Variants in MATN2 observed in about 807,000 individuals in gnomAD.
MATN2 encodes matrilin-2.
Under a neutral mutation model 103.2 loss-of-function variants are expected in MATN2, and 69 were observed. The observed-to-expected ratio is 0.67, with a 90% CI of 0.55 to 0.82. The LOEUF is 0.82. Among genes scored for constraint, MATN2 ranks in the 40% least tolerant of loss-of-function variants. The probability of loss-of-function intolerance (pLI) is 0.00; values close to 1 mark genes in which losing one functional copy is unlikely to be tolerated. For synonymous variants in MATN2, 429 were observed against 450.2 expected, an observed-to-expected ratio of 0.95 and a Z score of 0.60; for missense variants, 1,023 against 1,211.5, an observed-to-expected ratio of 0.84 and a Z score of 2.31.
rs938126506 is a variant in MATN2 at position 98,004,016 on chromosome 8, C to T, written c.1327+233C>T. On this transcript the variant is annotated intron_variant, in intron 8 of 18. Coordinates refer to ENST00000254898, the MANE Select transcript of MATN2 (RefSeq NM_002380.5). ...AGAATTAATAGGAATAGGCTGGGCG[C>T]GGTGGCTCACGCCTGTAATCCCAGC... is the stretch of plus-strand genomic sequence containing the variant. The T allele has an allele frequency of 7.3e-5, 32 of 438,340 alleles. 1 individual carries two copies. Among genetic ancestry groups the T allele is most frequent in the South Asian group, 4.9e-4 (24 of 48,700 alleles). The allele number at this position is 438,340 out of a possible 1,614,324, so 27.2% of individuals were successfully genotyped here.
intron 5 of MATN2, among the ~76,000 whole-genome samples, chr8:97,977,120 C>CT (rs1811861562): frequency 2.0e-5 from 3 of 150,946 alleles, no homozygotes; most frequent in Admixed American, 2.0e-4. Flanking sequence ...CCTGTAGTCC[C>CT]AGCTACTTGG....
intron 7 of MATN2, among the ~76,000 whole-genome samples, chr8:97,996,115 T>C (rs1812577604): frequency 6.6e-6 from 1 of 152,146 alleles, no homozygotes; most frequent in African/African-American, 2.4e-5. Context: ...TTAGATCTGG[T>C]TCAGCTCAGA....
At chr8:97,988,189 T>TAAACACACAC (rs71570279) in intron 6 of MATN2, among the ~76,000 whole-genome samples, 1 of 54,962 alleles carries the variant, frequency 1.8e-5, no homozygotes, top group Non-Finnish European at 3.7e-5. Flanking sequence ...TATATATATA[T>TAAACACACAC]ACACACACAC....
chr8:98,003,536 G>A (rs994928047), intron 7 of MATN2, 125 bp from the exon 8 acceptor site: 16 of 1,006,012 alleles, frequency 1.6e-5, no homozygotes, highest in South Asian at 1.0e-4. Flanking sequence ...GATCCGTCCC[G>A]GCTTGCCTCA....
intron 2 of MATN2, among the ~76,000 whole-genome samples, chr8:97,913,966 C>A (rs1411064144): frequency 6.6e-6 from 1 of 152,120 alleles, no homozygotes; most frequent in African/African-American, 2.4e-5. Flanking sequence ...GAGTTGAACA[C>A]CAAATAGAGA....
chr8:97,994,732 C>A, intron 7 of MATN2, 130 bp downstream of exon 7: 2 of 1,011,708 alleles, frequency 2.0e-6, no homozygotes, highest in Non-Finnish European at 1.4e-6. Flanking sequence ...TTATTCTCCC[C>A]TTTATTTTAC....
chr8:98,005,142 C>A lies in MATN2; in HGVS notation c.1327+1359C>A, dbSNP rs958130515. Among the ~76,000 whole-genome samples, 1 of 152,240 alleles carries A rather than the reference C, an allele frequency of 6.6e-6. No individual in the cohort carries two copies. Among genetic ancestry groups the A allele is most frequent in the African/African-American group, 2.4e-5 (1 of 41,468 alleles). On this transcript the variant is annotated intron_variant, in intron 8 of 18. Coordinates refer to ENST00000254898, the MANE Select transcript of MATN2 (RefSeq NM_002380.5). The surrounding 1 kb of genome is among the most constrained non-coding windows in gnomAD (Gnocchi z 4.6). Reference sequence around the variant, plus strand: ...CCCAGATGAAATAAGAGGTCCAGGGCAGTCCTCAGGAAAGCGTGGCTCCTC... The same window carrying A: ...CCCAGATGAAATAAGAGGTCCAGGGAAGTCCTCAGGAAAGCGTGGCTCCTC...
intron 2 of MATN2, among the ~76,000 whole-genome samples, chr8:97,893,108 G>A (rs911110861): frequency 2.0e-5 from 3 of 152,160 alleles, no homozygotes; most frequent in East Asian, 1.9e-4. Flanking sequence ...AGTGGGTGTC[G>A]CTTTGTCTTT....
At chr8:97,951,716 CAGG>C (rs1810959838) in intron 4 of MATN2, among the ~76,000 whole-genome samples, 1 of 148,826 alleles carries the variant, frequency 6.7e-6, no homozygotes, top group African/African-American at 2.5e-5. Context: ...AAGCACTCTA[CAGG>C]AGTAGGACAT....
chr8:97,901,030 G>A (rs2130029339), intron 2 of MATN2, among the ~76,000 whole-genome samples: 1 of 152,272 alleles, frequency 6.6e-6, no homozygotes, highest in South Asian at 2.1e-4. Context: ...TTTGGGACTT[G>A]GTGGGGTCAC....
intron 13 of MATN2, chr8:98,024,933 C>T (rs1813734472): frequency 1.3e-5 from 2 of 152,304 alleles, no homozygotes; most frequent in South Asian, 4.1e-4. Context: ...TTCCACTCTA[C>T]TTTGTTTTGT....
chr8:97,882,399 T>G (rs1362159652), intron 1 of MATN2, among the ~76,000 whole-genome samples: 1 of 152,124 alleles, frequency 6.6e-6, no homozygotes, highest in African/African-American at 2.4e-5. Context: ...CTTTCTTTTT[T>G]TCTTTTTTTT....
intron 2 of MATN2, among the ~76,000 whole-genome samples, chr8:97,914,603 C>G (rs1182757398): frequency 6.6e-6 from 1 of 151,768 alleles, no homozygotes; most frequent in Non-Finnish European, 1.5e-5. Flanking sequence ...ATCCTCTTGC[C>G]TCAGCCTCCC....
chr8:97,894,978 T>C (rs1325274972), intron 2 of MATN2, among the ~76,000 whole-genome samples: 1 of 151,826 alleles, frequency 6.6e-6, no homozygotes, highest in Non-Finnish European at 1.5e-5. Flanking sequence ...GTTCAAGCAA[T>C]TCTTCTGCCT....
chr8:97,996,364 C>T (rs1279729345), intron 7 of MATN2, among the ~76,000 whole-genome samples: 1 of 152,072 alleles, frequency 6.6e-6, no homozygotes, highest in Non-Finnish European at 1.5e-5. Flanking sequence ...AAAGGAAGAG[C>T]GAGTAGAGAG....
intron 2 of MATN2, among the ~76,000 whole-genome samples, chr8:97,908,496 G>A (rs1264941172): frequency 6.6e-6 from 1 of 152,146 alleles, no homozygotes; most frequent in Admixed American, 6.5e-5. Flanking sequence ...AACATCTGGT[G>A]GAGTAGCTTC....
intron 6 of MATN2, among the ~76,000 whole-genome samples, chr8:97,980,463 T>C (rs1009003624): frequency 5.9e-5 from 9 of 152,190 alleles, no homozygotes; most frequent in Admixed American, 4.6e-4. Context: ...TCTCTGCTTT[T>C]TCTCTTGGTG....
rs775355784 is a variant in MATN2, at chr8:97,961,417, T to C, written c.845T>C (p.Leu282Pro). The C allele has an allele frequency of 1.6e-5, 25 of 1,612,900 alleles. No homozygotes were observed. ...CGTGACTTTGCCTCAGTCCAGGATC[T>C]GTGTGCCATGGAGGACCACAACTGT... ...SDQTTCRIQD[L>P]CAMEDHNCEQ... is the part of the protein sequence containing the mutation. Residue 282 changes from leucine (L) to proline (P), a missense_variant, in exon 5 of 19, where the codon CTG becomes CCG. Transcript: ENST00000254898.
At chr8:98,002,646 G>C (rs1312916509) in intron 7 of MATN2, among the ~76,000 whole-genome samples, 1 of 152,130 alleles carries the variant, frequency 6.6e-6, no homozygotes, top group African/African-American at 2.4e-5. Context: ...GTTCAGCTCA[G>C]CTCAACTGAG....
Sources: gnomAD v4.1 joint callset for allele counts (sites outside exome capture counted in the v4.1 genomes callset) on GRCh38, gnomAD v4.1.1 for gene constraint, Gnocchi (gnomAD v3.1) non-coding constraint, MANE v1.5 for transcripts, NCBI Gene and HGNC (gene_info 2026-07-23, HGNC 2026-07-21) for gene names.